Variants in TOX observed in about 807,000 individuals in gnomAD.
The protein encoded by TOX is thymocyte selection-associated high mobility group box protein TOX.
A neutral mutation model predicts 53.7 loss-of-function variants in TOX; 11 were observed. The ratio of observed to expected loss-of-function variants is 0.20; its 90% CI spans 0.13 to 0.34. TOX has a LOEUF of 0.34. Ranked by LOEUF, TOX falls within the 10% of genes least tolerant of loss-of-function variation. TOX has a pLI of 1.00. For synonymous variants in TOX, 225 were observed against 245.3 expected, an observed-to-expected ratio of 0.92 and a Z score of 0.77; for missense variants, 570 against 664.6, an observed-to-expected ratio of 0.86 and a Z score of 1.56.
chr8:58,966,619 T>C (rs1425998635), intron 1 of TOX, among the ~76,000 whole-genome samples: 3 of 152,196 alleles, frequency 2.0e-5, no homozygotes, highest in Non-Finnish European at 4.4e-5. Context: ...TTTTCATTTT[T>C]GTCCCAGTGA....
At chr8:59,062,874 A>G (rs1804011700) in intron 1 of TOX, among the ~76,000 whole-genome samples, 1 of 152,188 alleles carries the variant, frequency 6.6e-6, no homozygotes, top group Non-Finnish European at 1.5e-5. Context: ...TCTATCATCA[A>G]GCTTTAAGCT....
intron 4 of TOX, among the ~76,000 whole-genome samples, chr8:58,842,130 C>T (rs966108871): frequency 1.3e-5 from 2 of 152,000 alleles, no homozygotes; most frequent in Non-Finnish European, 2.9e-5. Flanking sequence ...TTAAGGAATT[C>T]CTAGAGAACT....
intron 6 of TOX, among the ~76,000 whole-genome samples, chr8:58,819,039 G>A (rs192653022): frequency 8.3e-4 from 126 of 152,318 alleles, no homozygotes; most frequent in African/African-American, 2.8e-3. Context: ...TAATTACAGA[G>A]TTATTTTATT....
intron 1 of TOX, among the ~76,000 whole-genome samples, chr8:59,006,342 G>C (rs1265025480): frequency 1.3e-5 from 2 of 152,186 alleles, no homozygotes; most frequent in Non-Finnish European, 2.9e-5. Flanking sequence ...ACTGGGTTCT[G>C]CCACTGGCTT....
intron 3 of TOX, among the ~76,000 whole-genome samples, chr8:58,913,567 T>A (rs1811945211): frequency 1.3e-5 from 2 of 152,222 alleles, no homozygotes; most frequent in African/African-American, 4.8e-5. Context: ...GTGCTTCACC[T>A]GTGGGGTCGT....
chr8:58,925,630 G>C (rs957458857), intron 3 of TOX, among the ~76,000 whole-genome samples: 1 of 152,152 alleles, frequency 6.6e-6, no homozygotes, highest in Non-Finnish European at 1.5e-5. Flanking sequence ...CACCTAGGAC[G>C]AGCCCATCTT....
intron 1 of TOX, among the ~76,000 whole-genome samples, chr8:59,002,094 G>C: frequency 6.7e-6 from 1 of 149,056 alleles, no homozygotes; most frequent in Admixed American, 6.8e-5. Flanking sequence ...CCTGCTGTCA[G>C]CCTCCCCAGT....
chr8:59,111,010 T>C (rs1216182541), intron 1 of TOX, among the ~76,000 whole-genome samples: 1 of 152,150 alleles, frequency 6.6e-6, no homozygotes, highest in East Asian at 1.9e-4. Flanking sequence ...TTAATTCTCA[T>C]AAGTCTTCTT....
intron 1 of TOX, among the ~76,000 whole-genome samples, chr8:59,077,685 G>A (rs752179073): frequency 2.0e-5 from 3 of 152,172 alleles, no homozygotes; most frequent in Admixed American, 6.5e-5. Flanking sequence ...TTTTCCAGAC[G>A]AAGAGCCTGA....
intron 1 of TOX, among the ~76,000 whole-genome samples, chr8:58,981,038 C>T (rs1374162845): frequency 6.6e-6 from 1 of 152,150 alleles, no homozygotes; most frequent in Non-Finnish European, 1.5e-5. Context: ...TTTTATATTT[C>T]TCTTGCAGAT....
At chr8:59,114,374 A>G (rs111766023) in intron 1 of TOX, among the ~76,000 whole-genome samples, 104 of 152,354 alleles carry the variant, frequency 6.8e-4, no homozygotes, top group Middle Eastern at 3.4e-3. Flanking sequence ...TGAATTTGCA[A>G]TACTGAAATA....
intron 1 of TOX, among the ~76,000 whole-genome samples, chr8:59,055,686 T>C (rs1040509282): frequency 2.0e-5 from 3 of 152,166 alleles, no homozygotes; most frequent in Admixed American, 6.5e-5. Context: ...ATGGGTCAAA[T>C]GTTTTGAAGA....
chr8:59,094,490 T>C (rs1334415988), intron 1 of TOX, among the ~76,000 whole-genome samples: 1 of 152,012 alleles, frequency 6.6e-6, no homozygotes, highest in Non-Finnish European at 1.5e-5. Context: ...ATACAAAAAC[T>C]AGCCAGGTGT....
intron 1 of TOX, among the ~76,000 whole-genome samples, chr8:59,083,373 G>GGGTCCTCCTATCAACAATCAAAT: frequency 6.6e-6 from 1 of 152,078 alleles, no homozygotes; most frequent in South Asian, 2.1e-4. Flanking sequence ...AACAATCAAA[G>GGGTCCTCCTATCAACAATCAAAT]GGTCCTCCTA....
At chr8:58,969,512 A>C (rs181668303) in intron 1 of TOX, among the ~76,000 whole-genome samples, 50 of 152,330 alleles carry the variant, frequency 3.3e-4, no homozygotes, top group Non-Finnish European at 6.9e-4. Context: ...TGCCCTTCAT[A>C]AAACCTCATG....
chr8:58,873,957 G>GTTTTTTTTT (rs1585873069), intron 3 of TOX, among the ~76,000 whole-genome samples: 3 of 43,988 alleles, frequency 6.8e-5, no homozygotes, highest in African/African-American at 6.3e-4. Flanking sequence ...ATGCCAGGAA[G>GTTTTTTTTT]CTTTTTTTTT....
intron 3 of TOX, among the ~76,000 whole-genome samples, chr8:58,910,934 C>T (rs1255749556): frequency 6.6e-6 from 1 of 152,084 alleles, no homozygotes; most frequent in Non-Finnish European, 1.5e-5. Flanking sequence ...GAACATGCAC[C>T]TCGGATAACC....
chr8:58,846,375 C>T (rs546131558), intron 4 of TOX, among the ~76,000 whole-genome samples: 255 of 152,132 alleles, frequency 1.7e-3, no homozygotes, highest in Non-Finnish European at 2.7e-3. Flanking sequence ...TTCCAAGTCC[C>T]AGTTTTAAGT....
intron 1 of TOX, among the ~76,000 whole-genome samples, chr8:59,047,500 A>T (rs949010661): frequency 2.6e-5 from 4 of 151,868 alleles, no homozygotes; most frequent in African/African-American, 4.8e-5. Context: ...GTGCTGGGAC[A>T]GGCGTGAGCC....
Sources: allele counts gnomAD v4.1 joint callset (sites outside exome capture counted in the v4.1 genomes callset), GRCh38; gene constraint gnomAD v4.1.1; transcripts MANE v1.5; gene names NCBI Gene and HGNC (gene_info 2026-07-23, HGNC 2026-07-21).